The following RORA variants were observed in gnomAD, a reference collection of about 807,000 sequenced individuals.
RORA encodes nuclear receptor ROR-alpha.
A neutral mutation model predicts 69.5 loss-of-function variants in RORA; 7 were observed. The observed-to-expected ratio is 0.10, with a 90% confidence interval of 0.06 to 0.19. The LOEUF (loss-of-function observed/expected upper bound fraction) is 0.19. Among genes scored for constraint, RORA ranks in the 10% least tolerant of loss-of-function variants. The pLI, the probability that RORA is intolerant of heterozygous loss-of-function variation, is 1.00. For synonymous variants in RORA, 261 were observed against 240.8 expected (o/e 1.08, Z -0.78); for missense variants, 457 against 663.0 (o/e 0.69, Z 3.41).
chr15:60,847,400 C>T (rs2073277846), intron 1 of RORA, among the ~76,000 whole-genome samples: 1 of 152,056 alleles, frequency 6.6e-6, no homozygotes, highest in Admixed American at 6.5e-5. Flanking sequence ...TCTCCTGTTC[C>T]ATCCCCTACT....
At chr15:60,641,179 T>A (rs1004399673) in intron 2 of RORA, among the ~76,000 whole-genome samples, 2 of 152,184 alleles carry the variant, frequency 1.3e-5, no homozygotes, top group Admixed American at 6.5e-5. Flanking sequence ...CTCGAACTCC[T>A]GGCCTCAAGT....
At chr15:60,749,445 T>G (rs546675297) in intron 1 of RORA, among the ~76,000 whole-genome samples, 1 of 152,240 alleles carries the variant, frequency 6.6e-6, no homozygotes, top group African/African-American at 2.4e-5. Context: ...AGTTATGATA[T>G]GTAGTCAAAT....
chr15:61,179,037 A>G (rs1438890990), intron 1 of RORA, among the ~76,000 whole-genome samples: 1 of 152,218 alleles, frequency 6.6e-6, no homozygotes, highest in Non-Finnish European at 1.5e-5. Context: ...CCATGGTCAC[A>G]TGAAGGATGC....
At chr15:60,965,786 C>G (rs1283683834) in intron 1 of RORA, among the ~76,000 whole-genome samples, 2 of 152,110 alleles carry the variant, frequency 1.3e-5, no homozygotes, top group Non-Finnish European at 2.9e-5. Context: ...ACTAATTATG[C>G]CAACCTCTTT....
intron 1 of RORA, among the ~76,000 whole-genome samples, chr15:61,194,792 C>T (rs1296069189): frequency 6.6e-6 from 1 of 152,098 alleles, no homozygotes; most frequent in Non-Finnish European, 1.5e-5. Flanking sequence ...AGCCACACGG[C>T]CTGGGTTTGT....
intron 1 of RORA, among the ~76,000 whole-genome samples, chr15:61,207,999 T>C (rs1275896821): frequency 1.3e-5 from 2 of 152,192 alleles, no homozygotes; most frequent in Non-Finnish European, 2.9e-5. Flanking sequence ...ATCTACTGAC[T>C]TGGAAGGGTT....
At chr15:60,957,239 A>C (rs1290702252) in intron 1 of RORA, among the ~76,000 whole-genome samples, 1 of 152,242 alleles carries the variant, frequency 6.6e-6, no homozygotes, top group Non-Finnish European at 1.5e-5. Flanking sequence ...ACTGAAATAG[A>C]CACTTTGCGG....
At chr15:61,208,971 T>C (rs2079966149) in intron 1 of RORA, among the ~76,000 whole-genome samples, 1 of 152,210 alleles carries the variant, frequency 6.6e-6, no homozygotes, top group Non-Finnish European at 1.5e-5. Flanking sequence ...CGTTAGTACT[T>C]ATATTTTTCG....
intron 2 of RORA, among the ~76,000 whole-genome samples, chr15:60,538,455 A>C (rs1277121896): frequency 6.6e-6 from 1 of 151,952 alleles, no homozygotes; most frequent in Non-Finnish European, 1.5e-5. Context: ...TTGCCACATC[A>C]TTCATGGCAA....
intron 1 of RORA, among the ~76,000 whole-genome samples, chr15:61,167,139 T>C (rs990242797): frequency 6.6e-6 from 1 of 152,222 alleles, no homozygotes; most frequent in Non-Finnish European, 1.5e-5. Flanking sequence ...GGCCCTGGAA[T>C]CAGCTGAAAC....
intron 1 of RORA, among the ~76,000 whole-genome samples, chr15:61,177,327 A>G (rs939521013): frequency 6.6e-5 from 10 of 152,186 alleles, no homozygotes; most frequent in Admixed American, 5.2e-4. Flanking sequence ...AGAAATACTG[A>G]CAGGCTTGGG....
chr15:60,629,775 C>A (rs2069692203), intron 2 of RORA, among the ~76,000 whole-genome samples: 1 of 152,176 alleles, frequency 6.6e-6, no homozygotes, highest in Admixed American at 6.5e-5. Flanking sequence ...GATTTTCCAT[C>A]TTGGAAAGGC....
intron 1 of RORA, among the ~76,000 whole-genome samples, chr15:60,826,668 T>A (rs1400374552): frequency 6.7e-6 from 1 of 148,906 alleles, no homozygotes; most frequent in Non-Finnish European, 1.5e-5. Context: ...TTTTTTCCCA[T>A]GGAGGAGGAG....
Position 60,661,447 on chromosome 15 carries a change from A to G in RORA, c.196+17210T>C, listed in dbSNP as rs999758831. On this transcript the variant is annotated intron_variant, in intron 2 of 10. Coordinates refer to ENST00000335670, the MANE Select transcript of RORA (RefSeq NM_134261.3). ...GGTAATACCCAGGGCAGACTGATCA[A>G]GCTGCCATTGATGTCTATGGGCAGT... Among the ~76,000 whole-genome samples the G allele has an allele frequency of 4.6e-5, 7 of 152,190 alleles. No homozygotes were observed. In the East Asian group the frequency reaches 1.3e-3, roughly 29 times the overall value.
intron 1 of RORA, among the ~76,000 whole-genome samples, chr15:60,786,874 G>A (rs1194955577): frequency 1.3e-5 from 2 of 152,216 alleles, no homozygotes; most frequent in Admixed American, 1.3e-4. Context: ...CTCAGCTCGT[G>A]ATAGGCATTT....
At chr15:60,617,342 G>A (rs1186401148) in intron 2 of RORA, among the ~76,000 whole-genome samples, 1 of 152,120 alleles carries the variant, frequency 6.6e-6, no homozygotes, top group African/African-American at 2.4e-5. Flanking sequence ...AATCATACCT[G>A]GTCCATTGAA....
At chr15:60,545,118 C>G (rs2067028369) in intron 2 of RORA, 1 of 151,912 alleles carries the variant, frequency 6.6e-6, no homozygotes, top group Non-Finnish European at 1.5e-5. Context: ...TTCAAAGAGG[C>G]CTGAAGCAGT....
At chr15:61,101,122 G>A (rs1473977502) in intron 1 of RORA, among the ~76,000 whole-genome samples, 2 of 152,218 alleles carry the variant, frequency 1.3e-5, no homozygotes, top group Non-Finnish European at 2.9e-5. Context: ...TGAAAGTACA[G>A]AGTCACAGCA....
At chr15:60,669,333 G>A (rs1463651205) in intron 2 of RORA, among the ~76,000 whole-genome samples, 2 of 55,706 alleles carry the variant, frequency 3.6e-5, no homozygotes, top group Non-Finnish European at 7.7e-5. Context: ...TTCCCAATAA[G>A]CGTTTTTTTG....
Sources: gnomAD v4.1 joint callset for allele counts (sites outside exome capture counted in the v4.1 genomes callset) on GRCh38, gnomAD v4.1.1 for gene constraint, MANE v1.5 for transcripts, NCBI Gene and HGNC (gene_info 2026-07-23, HGNC 2026-07-21) for gene names.